XRCC6: variants seen among roughly 807,000 people sequenced by gnomAD.
XRCC6 encodes X-ray repair cross complementing 6.
A neutral mutation model predicts 65.7 loss-of-function variants in XRCC6; 5 were observed. That is an observed-to-expected ratio of 0.08 (90% CI 0.04 to 0.16). The LOEUF is 0.16. Ranked by LOEUF, XRCC6 falls within the 10% of genes least tolerant of loss-of-function variation. The pLI, the probability that XRCC6 is intolerant of heterozygous loss-of-function variation, is 1.00. For synonymous variants in XRCC6, 270 were observed against 270.6 expected (o/e 1.00, Z 0.02); for missense variants, 447 against 738.1 (o/e 0.61, Z 4.57).
At chr22:41,631,693 A>C (rs1011462843) in intron 3 of XRCC6, among the ~76,000 whole-genome samples, 1 of 129,736 alleles carries the variant, frequency 7.7e-6, no homozygotes, top group Non-Finnish European at 1.7e-5. Context: ...ATGGGCGGCC[A>C]GGCAGAGACA....
intron 8 of XRCC6, among the ~76,000 whole-genome samples, chr22:41,651,095 C>T (rs2067990097): frequency 1.3e-5 from 2 of 152,128 alleles, no homozygotes; most frequent in Admixed American, 6.5e-5. Context: ...CACCTGAGGT[C>T]AGGACGAGCC....
At chr22:41,652,225 T>C (rs990230170) in intron 8 of XRCC6, among the ~76,000 whole-genome samples, 1 of 143,556 alleles carries the variant, frequency 7.0e-6, no homozygotes, top group Non-Finnish European at 1.6e-5. Context: ...CCGTTGTGTT[T>C]ATTTGTGCAG....
At chr22:41,637,965 A>AAT (rs1034436647) in intron 6 of XRCC6, among the ~76,000 whole-genome samples, 174 bp downstream of exon 6, 10 of 150,742 alleles carry the variant, frequency 6.6e-5, no homozygotes, top group African/African-American at 2.4e-4. Context: ...CTCTACCTAA[A>AAT]AAAAAAAAAA....
chr22:41,621,828 A>G (rs928534860), intron 1 of XRCC6, 162 bp from the exon 2 acceptor site: 3 of 628,202 alleles, frequency 4.8e-6, no homozygotes, highest in African/African-American at 1.8e-5. Flanking sequence ...CCCCATGCGC[A>G]TTTACATGCA....
At chr22:41,645,640 GTTTTT>G (rs990230739) in intron 6 of XRCC6, among the ~76,000 whole-genome samples, 2 of 150,208 alleles carry the variant, frequency 1.3e-5, no homozygotes, top group Non-Finnish European at 3.0e-5. Context: ...AAATTGGGGT[GTTTTT>G]TTGTTTTGTT....
chr22:41,644,725 G>A (rs1474418979), intron 6 of XRCC6, among the ~76,000 whole-genome samples: 1 of 151,838 alleles, frequency 6.6e-6, no homozygotes, highest in Non-Finnish European at 1.5e-5. Context: ...CTGAGCTCAG[G>A]CAATCCGCCC....
chr22:41,644,764 C>T (rs1332351754), intron 6 of XRCC6, among the ~76,000 whole-genome samples: 2 of 151,954 alleles, frequency 1.3e-5, no homozygotes, highest in Non-Finnish European at 2.9e-5. Context: ...GCTAGGATTA[C>T]AGGCATGAGC....
chr22:41,656,823 AAAGG>A, intron 9 of XRCC6, 76 bp from the exon 10 acceptor site: 1 of 1,598,160 alleles, frequency 6.3e-7, no homozygotes, highest in Non-Finnish European at 8.5e-7. Context: ...ACAGGACATA[AAAGG>A]AAGAATTTGG....
At chr22:41,630,867 C>T (rs2067735344) in intron 3 of XRCC6, among the ~76,000 whole-genome samples, 1 of 152,158 alleles carries the variant, frequency 6.6e-6, no homozygotes, top group African/African-American at 2.4e-5. Flanking sequence ...TACTTTTTTC[C>T]ACACAGACAC....
In XRCC6 at chr22:41,628,114, A is replaced by G. The variant is rs749083864; in HGVS notation, c.83-4A>G. ...AACATTTTCTTCCATTTTTTTCCCC[A>G]TAGGAGACTATAAATATTCAGGAAG... On this transcript the variant is annotated splice_region_variant and splice_polypyrimidine_tract_variant and intron_variant, in intron 2 of 12. Coordinates refer to ENST00000360079, the MANE Select transcript of XRCC6 (RefSeq NM_001469.5). 6 of 1,601,876 alleles carry G rather than the reference A, an allele frequency of 3.7e-6. No individual in the cohort carries two copies. Among genetic ancestry groups the G allele is most frequent in the Middle Eastern group, 1.7e-4 (1 of 5,754 alleles).
intron 2 of XRCC6, among the ~76,000 whole-genome samples, chr22:41,626,540 T>G (rs1212379172): frequency 6.6e-6 from 1 of 152,064 alleles, no homozygotes; most frequent in Non-Finnish European, 1.5e-5. Flanking sequence ...CTGCAACCTC[T>G]GCCTCCCAGG....
At chr22:41,628,889 C>A (rs1400934459) in intron 3 of XRCC6, among the ~76,000 whole-genome samples, 1 of 148,376 alleles carries the variant, frequency 6.7e-6, no homozygotes, top group Non-Finnish European at 1.5e-5. Flanking sequence ...TCTCTTAAAC[C>A]CAGGAGGCGG....
At chr22:41,622,178 C>A in intron 2 of XRCC6, 92 bp downstream of exon 2, 1 of 1,286,698 alleles carries the variant, frequency 7.8e-7, no homozygotes. Flanking sequence ...GTTTGATGGC[C>A]TGCCCTTCTC....
intron 3 of XRCC6, among the ~76,000 whole-genome samples, chr22:41,633,777 G>T (rs901489172): frequency 6.6e-6 from 1 of 152,112 alleles, no homozygotes; most frequent in Non-Finnish European, 1.5e-5. Context: ...GAGAGTTAAT[G>T]GAACCCTTGA....
At chr22:41,642,484 G>C (rs956164598) in intron 6 of XRCC6, among the ~76,000 whole-genome samples, 1 of 152,074 alleles carries the variant, frequency 6.6e-6, no homozygotes, top group African/African-American at 2.4e-5. Context: ...TTTTTGCTTT[G>C]GTTGCCTATG....
intron 10 of XRCC6, 111 bp downstream of exon 10, chr22:41,657,143 A>G (rs1389162294): frequency 7.0e-6 from 9 of 1,292,220 alleles, no homozygotes; most frequent in Non-Finnish European, 9.3e-6. Flanking sequence ...AAACTGACAG[A>G]TTACTACTTG....
chr22:41,630,920 C>G (rs1191607273), intron 3 of XRCC6, among the ~76,000 whole-genome samples: 2 of 152,360 alleles, frequency 1.3e-5, no homozygotes, highest in African/African-American at 4.8e-5. Flanking sequence ...CCTTTCCCCG[C>G]TTTCTATTCC....
At position 41,628,164 on chromosome 22, in the gene XRCC6, T is replaced by C. The variant is rs1272762532; in HGVS notation, c.129T>C (p.Asp43=). 1 of 1,614,004 alleles carries C rather than the reference T, an allele frequency of 6.2e-7. No individual in the cohort carries two copies. Reference sequence around the variant, plus strand: ...GAGATAGTTTGATTTTTTTGGTTGATGCCTCCAAGGCTATGTTTGAATCTC... The same window carrying C: ...GAGATAGTTTGATTTTTTTGGTTGACGCCTCCAAGGCTATGTTTGAATCTC... ...SGRDSLIFLV[D]ASKAMFESQS... The change falls in exon 3 of 13, where the codon GAT becomes GAC. Residue 43 remains aspartate (D), a synonymous_variant. Coordinates refer to ENST00000360079, the MANE Select transcript of XRCC6 (RefSeq NM_001469.5).
chr22:41,629,723 G>T (rs894783706), intron 3 of XRCC6, among the ~76,000 whole-genome samples: 1 of 152,176 alleles, frequency 6.6e-6, no homozygotes, highest in African/African-American at 2.4e-5. Context: ...GGGCTGTAGT[G>T]CAGTGGCGTG....
Sources: gnomAD v4.1 joint callset for allele counts (sites outside exome capture counted in the v4.1 genomes callset) on GRCh38, gnomAD v4.1.1 for gene constraint, MANE v1.5 for transcripts, NCBI Gene and HGNC (gene_info 2026-07-23, HGNC 2026-07-21) for gene names.